Variants in TMC2 observed in about 807,000 individuals in gnomAD.
The protein encoded by TMC2 is transmembrane channel-like protein 2.
A neutral mutation model predicts 105.9 loss-of-function variants in TMC2; 102 were observed. The observed-to-expected ratio is 0.96, with a 90% CI of 0.82 to 1.14. The LOEUF is 1.14. Among genes scored for constraint, TMC2 ranks in the 50% most tolerant of loss-of-function variants. The pLI is 0.00. For missense variants in TMC2, 1,093 were observed against 1,134.3 expected (o/e 0.96, Z 0.52); for synonymous variants, 402 against 422.8 (o/e 0.95, Z 0.60).
Position 2,610,675 on chromosome 20 carries a change from A to T in TMC2, c.1593+77A>T. On this transcript the variant is annotated intron_variant, in intron 12 of 19. Transcript: ENST00000358864. ...TTTTCTTTTTTAATATAATAATTTC[A>T]TTATATATAATTCATATTAATTAAA... is the stretch of plus-strand genomic sequence containing the variant. 3 of 793,866 alleles carry T rather than the reference A, an allele frequency of 3.8e-6. No individual in the cohort carries two copies. In the South Asian group the frequency reaches 1.8e-4, roughly 48 times the overall value. The allele number at this position is 793,866 out of a possible 1,614,324, so 49.2% of individuals were successfully genotyped here. A position where few individuals can be genotyped will look rare whatever the true frequency, so the allele number is the denominator to read the frequency against.
At chr20:2,617,976 G>A (rs2086497337) in intron 16 of TMC2, 1 of 152,864 alleles carries the variant, frequency 6.5e-6, no homozygotes, top group African/African-American at 2.4e-5. Context: ...CTCCCAAAGT[G>A]TTATGATTAC....
In TMC2 at chr20:2,599,390, C is replaced by T. The variant is rs370300600; in HGVS notation, c.1224+2092C>T. Among the ~76,000 whole-genome samples, 16 of 150,972 alleles carry T rather than the reference C, an allele frequency of 1.1e-4. 1 individual carries two copies. In the East Asian group the frequency reaches 1.8e-3, roughly 17 times the overall value. The stretch of plus-strand genomic sequence containing the variant: ...TACAAGAGAGGTTTGAGGAGGTCTA[C>T]AGAACTATAGCTCATATAAAATAAC... On this transcript the variant is annotated intron_variant, in intron 10 of 19. Coordinates refer to ENST00000358864, the MANE Select transcript of TMC2 (RefSeq NM_080751.3).
At chr20:2,628,903 C>G (rs911989825) in intron 17 of TMC2, among the ~76,000 whole-genome samples, 165 of 152,242 alleles carry the variant, frequency 1.1e-3, no homozygotes, top group African/African-American at 3.7e-3. Context: ...GAGATCGAGA[C>G]CATCCTGGCT....
In TMC2 at chr20:2,543,424, G is replaced by T. The variant is rs140390977; in HGVS notation, c.82+6108G>T. 1.4e-3 allele frequency among the ~76,000 whole-genome samples: 218 copies of T among 152,272 alleles called. 1 individual carries two copies. Among genetic ancestry groups the T allele is most frequent in the African/African-American group, 5.1e-3 (210 of 41,552 alleles). On this transcript the variant is annotated intron_variant, in intron 2 of 19. Transcript: ENST00000358864. The stretch of plus-strand genomic sequence containing the variant: ...CTGAGAATTGGAAATTTGATTGAAG[G>T]CAGGTCTTTCAAAGTGAGAGCTGGA...
At chr20:2,603,896 C>G (rs1469766310) in intron 11 of TMC2, among the ~76,000 whole-genome samples, 1 of 152,212 alleles carries the variant, frequency 6.6e-6, no homozygotes, top group Admixed American at 6.5e-5. Context: ...TGTGCTGACT[C>G]TGTCCTAAGT....
rs927756751 is a variant in TMC2, at chr20:2,592,776, G to C, written c.933+368G>C. Among the ~76,000 whole-genome samples the C allele has an allele frequency of 7.9e-5, 12 of 152,056 alleles. No homozygotes were observed. The highest frequency in any genetic ancestry group is 2.4e-4 in the African/African-American group (10 of 41,384). On this transcript the variant is annotated intron_variant, in intron 8 of 19. Coordinates refer to ENST00000358864, the MANE Select transcript of TMC2 (RefSeq NM_080751.3). The surrounding 1 kb of genome is among the most constrained non-coding windows in gnomAD (Gnocchi z 4.9). ...TTTCACATGACATCTTCAACTGAAT[G>C]TCCTACTTGCTCTTCAAATGCAACA...
chr20:2,607,463 G>A (rs1181642400), intron 11 of TMC2, among the ~76,000 whole-genome samples: 13 of 152,198 alleles, frequency 8.5e-5, no homozygotes. Context: ...GGCCCAGGCT[G>A]TTTTAGCTCA....
At chr20:2,591,759 AG>A (rs1437610945) in intron 7 of TMC2, among the ~76,000 whole-genome samples, 46 of 147,580 alleles carry the variant, frequency 3.1e-4, no homozygotes, top group African/African-American at 1.1e-3. Flanking sequence ...AGAAAAGAAA[AG>A]GAAAGGAAAA....
At chr20:2,606,884 C>CTTTTTTTTTTTTTTTTTTTTT (rs1276064402) in intron 11 of TMC2, among the ~76,000 whole-genome samples, 1 of 88,258 alleles carries the variant, frequency 1.1e-5, no homozygotes, top group African/African-American at 6.0e-5. Context: ...CCCTTAATTT[C>CTTTTTTTTTTTTTTTTTTTTT]TTTTTTCTTT....
At position 2,544,089 on chromosome 20, in the gene TMC2, T is replaced by C. The variant is rs6114851; in HGVS notation, c.82+6773T>C. Among the ~76,000 whole-genome samples, 3 of 114,254 alleles carry C rather than the reference T, an allele frequency of 2.6e-5. No homozygotes were observed. The Admixed American group carries it at 2.7e-4, about 10-fold the overall frequency. 75.0% of individuals were successfully genotyped at this position (114,254 alleles called of 152,430 possible). ...GCTGATTTTTTTTTTTTTTTTTTTG[T>C]ATTTTTAGTAGAGACGGGGTTTCAC... On this transcript the variant is annotated intron_variant, in intron 2 of 19. Transcript: ENST00000358864.
intron 4 of TMC2, among the ~76,000 whole-genome samples, chr20:2,562,562 A>G (rs2122836626): frequency 6.6e-6 from 1 of 152,354 alleles, no homozygotes; most frequent in South Asian, 2.1e-4. Context: ...CCTCCTGCCC[A>G]TGCCACTCGA....
At chr20:2,545,906 A>AAG (rs139456092) in intron 2 of TMC2, among the ~76,000 whole-genome samples, 50,359 of 143,414 alleles carry the variant, frequency 0.35, 8,789 homozygotes, top group Admixed American at 0.43. Context: ...GAAAGAAAGA[A>AAG]AAAAAGAAAG....
At chr20:2,563,091 C>G (rs977559478) in intron 4 of TMC2, among the ~76,000 whole-genome samples, 4 of 152,212 alleles carry the variant, frequency 2.6e-5, no homozygotes, top group Admixed American at 2.0e-4. Context: ...AGTGGCACTC[C>G]CCCCGTTTCC....
chr20:2,588,691 T>TTTTGTGTGTGTGTGTGTGTG (rs1555774326), intron 7 of TMC2, among the ~76,000 whole-genome samples: 1 of 143,480 alleles, frequency 7.0e-6, no homozygotes, highest in South Asian at 2.3e-4. Context: ...GCATGTGTCT[T>TTTTGTGTGTGTGTGTGTGTG]TGTGTGTGTG....
chr20:2,635,893 C>T lies in TMC2; in HGVS notation c.2307-33C>T, dbSNP rs74894232. ...CAGCTCCTATCATCTGCCAAGATCA[C>T]GGGACCATAGGAGGCATGCTTTTCT... On this transcript the variant is annotated intron_variant, in intron 17 of 19. Transcript: ENST00000358864. 2.6e-4 allele frequency: 412 copies of T among 1,570,958 alleles called. 2 individuals are homozygous for T. In the East Asian group the frequency reaches 5.5e-3, roughly 21 times the overall value.
chr20:2,602,195 T>C lies in TMC2; in HGVS notation c.1307T>C (p.Leu436Pro). The C allele has an allele frequency of 6.2e-7, 1 of 1,613,764 alleles. No homozygotes were observed. The highest frequency in any genetic ancestry group is 8.5e-7 in the Non-Finnish European group (1 of 1,179,870). The change falls in exon 11 of 20, where the codon CTC becomes CCC. Residue 436 changes from leucine (L) to proline (P), a missense_variant. Leu to Pro is a moderately conservative substitution (Grantham distance 98). Coordinates refer to ENST00000358864, the MANE Select transcript of TMC2 (RefSeq NM_080751.3). ...TRFLRVLANF[L>P]IICCLCGSGY... is the part of the protein sequence containing the mutation. Reference sequence around the variant, plus strand: ...TTTCTTCGTGTCCTGGCCAACTTTCTCATCATCTGCTGTTTGTGTGGAAGT... The same window carrying C: ...TTTCTTCGTGTCCTGGCCAACTTTCCCATCATCTGCTGTTTGTGTGGAAGT...
chr20:2,587,665 G>A (rs2086240563), intron 7 of TMC2, among the ~76,000 whole-genome samples: 1 of 152,020 alleles, frequency 6.6e-6, no homozygotes, highest in African/African-American at 2.4e-5. Flanking sequence ...TGCTGTCTTG[G>A]AATGTGTATA....
chr20:2,619,066 A>G (rs939261054), intron 16 of TMC2, among the ~76,000 whole-genome samples: 2 of 152,172 alleles, frequency 1.3e-5, no homozygotes, highest in African/African-American at 4.8e-5. Context: ...CTGCCTGCCA[A>G]TGAGGAGAAA....
chr20:2,634,503 G>A lies in TMC2; in HGVS notation c.2307-1423G>A, dbSNP rs117336555. On this transcript the variant is annotated intron_variant, in intron 17 of 19. Transcript: ENST00000358864. Reference sequence around the variant, plus strand: ...TTTCCTCTGCTGCTGGCATGACAGGGATGACATGATAGTGACAATCTGGAT... The same window carrying A: ...TTTCCTCTGCTGCTGGCATGACAGGAATGACATGATAGTGACAATCTGGAT... 3.3e-3 allele frequency among the ~76,000 whole-genome samples: 500 copies of A among 152,264 alleles called. 2 individuals carry two copies. Among genetic ancestry groups the A allele is most frequent in the Non-Finnish European group, 6.0e-3 (406 of 67,960 alleles).
Sources: gnomAD v4.1 joint callset for allele counts (sites outside exome capture counted in the v4.1 genomes callset) on GRCh38, gnomAD v4.1.1 for gene constraint, Gnocchi (gnomAD v3.1) non-coding constraint, MANE v1.5 for transcripts, NCBI Gene and HGNC (gene_info 2026-07-23, HGNC 2026-07-21) for gene names.